Variants in RXRA observed in about 807,000 individuals in gnomAD.
RXRA encodes the protein retinoic acid receptor RXR-alpha.
RXRA carries 5 observed loss-of-function variants against 44.5 expected under a neutral mutation model. The ratio of observed to expected loss-of-function variants is 0.11; its 90% CI spans 0.06 to 0.24. RXRA has a LOEUF of 0.24. RXRA is among the 10% of genes least tolerant of loss of function. The probability of loss-of-function intolerance (pLI) is 1.00; values close to 1 mark genes in which losing one functional copy is unlikely to be tolerated. For missense variants in RXRA, 412 were observed against 646.5 expected (o/e 0.64, Z 3.93); for synonymous variants, 291 against 271.4 (o/e 1.07, Z -0.71).
Position 134,401,710 on chromosome 9 carries a change from C to G in RXRA, c.107C>G (p.Ser36Cys). 1 of 1,613,150 alleles carries G rather than the reference C, an allele frequency of 6.2e-7. No homozygotes were observed. Among genetic ancestry groups the G allele is most frequent in the Non-Finnish European group, 8.5e-7 (1 of 1,179,994 alleles). The change falls in exon 2 of 10, where the codon TCC becomes TGC. Residue 36 changes from serine to cysteine, a missense_variant. Coordinates refer to ENST00000481739, the MANE Select transcript of RXRA (RefSeq NM_002957.6). ...ATGGCTGCCCCCTCGCTGCACCCGTCCCTGGGGCCTGGCATCGGCTCCCCG... is the reference window on the plus strand; with the variant it reads ...ATGGCTGCCCCCTCGCTGCACCCGTGCCTGGGGCCTGGCATCGGCTCCCCG... ...GSMAAPSLHP[S>C]LGPGIGSPGQ... is the part of the protein sequence containing the mutation.
At position 134,326,553 on chromosome 9, in the gene RXRA, C is replaced by T. The variant is rs1410671284; in HGVS notation, c.-79C>T. 3.3e-6 allele frequency: 1 copy of T among 300,744 alleles called. No individual in the cohort carries two copies. Among genetic ancestry groups the T allele is most frequent in the Admixed American group, 6.8e-5 (1 of 14,736 alleles). 18.6% of individuals were successfully genotyped at this position (300,744 alleles called of 1,614,324 possible). Reference sequence around the variant, plus strand: ...GCCGCCGGCTCCCCGCCGCCCGGGCCCGGGCCGGCCGCGCCGGGGGCCGCC... The same window carrying T: ...GCCGCCGGCTCCCCGCCGCCCGGGCTCGGGCCGGCCGCGCCGGGGGCCGCC... On this transcript the variant is annotated 5_prime_UTR_variant, in exon 1 of 10. Coordinates refer to ENST00000481739, the MANE Select transcript of RXRA (RefSeq NM_002957.6).
intron 1 of RXRA, among the ~76,000 whole-genome samples, chr9:134,332,358 C>T (rs1040262200): frequency 6.6e-6 from 1 of 152,222 alleles, no homozygotes; most frequent in East Asian, 1.9e-4. Flanking sequence ...ACCCAGCACA[C>T]GCGGCCCACC....
intron 6 of RXRA, chr9:134,425,875 C>T (rs1382481005): frequency 2.1e-5 from 21 of 984,826 alleles, no homozygotes; most frequent in South Asian, 4.7e-5. Flanking sequence ...CACCAGGAGT[C>T]GGTGTTATTA....
intron 6 of RXRA, chr9:134,423,490 G>A: frequency 2.0e-6 from 2 of 985,482 alleles, no homozygotes; most frequent in Non-Finnish European, 2.4e-6. Flanking sequence ...GCTTGGGTCA[G>A]GGCTGTGACC....
intron 6 of RXRA, chr9:134,422,599 GCTCCCAGGACGCTCCCCA>G (rs1831365288): frequency 1.3e-6 from 1 of 798,462 alleles, no homozygotes; most frequent in Non-Finnish European, 1.4e-6. Context: ...GACACTCCCC[GCTCCCAGGACGCTCCCCA>G]CTCCCGGGAC....
rs1830101629 is a variant in RXRA at position 134,342,762 on chromosome 9, A to AC, written c.28+16104dup. Among the ~76,000 whole-genome samples the AC allele has an allele frequency of 6.6e-6, 1 of 152,028 alleles. No homozygotes were observed. Among genetic ancestry groups the AC allele is most frequent in the Admixed American group, 6.5e-5 (1 of 15,276 alleles). ...GGAACCTGGCCCCATAGGAGAGTGG[A>AC]CAGCGCCGCGGAGGAGGCTGCCTAC... is the stretch of plus-strand genomic sequence containing the variant. On this transcript the variant is annotated intron_variant, in intron 1 of 9. Transcript: ENST00000481739. This position sits in a 1 kb window ranked among gnomAD's most constrained non-coding sequence, Gnocchi z 4.4.
At position 134,381,920 on chromosome 9, in the gene RXRA, G is replaced by A. The variant is rs182543689; in HGVS notation, c.29-19712G>A. Among the ~76,000 whole-genome samples the A allele has an allele frequency of 2.0e-5, 3 of 152,264 alleles. No individual in the cohort carries two copies. The East Asian group carries it at 5.8e-4, about 29-fold the overall frequency. ...GCAGCCTCCCGGTGGGGGCTGCTCA[G>A]GTGGTGATGAAAACTGTACCTGTGG... On this transcript the variant is annotated intron_variant, in intron 1 of 9. Coordinates refer to ENST00000481739, the MANE Select transcript of RXRA (RefSeq NM_002957.6).
rs757115936 is a variant in RXRA at position 134,421,785 on chromosome 9, A to G, written c.890A>G (p.Gln297Arg). ...TTCTCAGAGCTGCCCCTGGACGACC[A>G]GGTCATCCTGCTGCGGGCAGGTGAG... The part of the protein sequence containing the change: ...PHFSELPLDD[Q>R]VILLRAGWNE... The change falls in exon 6 of 10, where the codon CAG (glutamine) becomes CGG (arginine). Residue 297 changes from glutamine (Q) to arginine (R), a missense_variant. This residue lies in a region of RXRA where 141 missense variants were observed against 270.8 expected (regional missense o/e 0.52). Transcript: ENST00000481739. 6.2e-7 allele frequency: 1 copy of G among 1,612,514 alleles called. No homozygotes were observed. The highest frequency in any genetic ancestry group is 1.7e-5 in the Admixed American group (1 of 59,940).
At chr9:134,391,584 G>A (rs1054246099) in intron 1 of RXRA, among the ~76,000 whole-genome samples, 5 of 152,168 alleles carry the variant, frequency 3.3e-5, no homozygotes, top group Non-Finnish European at 7.4e-5. Flanking sequence ...CCCTGTGGTG[G>A]TGCTAGACAC....
intron 1 of RXRA, among the ~76,000 whole-genome samples, chr9:134,368,619 T>C (rs1449201133): frequency 1.3e-5 from 2 of 151,712 alleles, no homozygotes; most frequent in South Asian, 2.1e-4. Context: ...TGCATGTGGA[T>C]GTATGTGTGT....
At chr9:134,333,844 T>G (rs1554746979) in intron 1 of RXRA, among the ~76,000 whole-genome samples, 1 of 152,174 alleles carries the variant, frequency 6.6e-6, no homozygotes, top group Admixed American at 6.5e-5. Flanking sequence ...AATCGGGCGC[T>G]CTCGGGCCTG....
chr9:134,402,471 G>A (rs530743589), intron 2 of RXRA: 17 of 152,984 alleles, frequency 1.1e-4, no homozygotes, highest in African/African-American at 4.1e-4. Flanking sequence ...CACAGTTGAG[G>A]TTTGCTCAGT....
rs2119069915 is a variant in RXRA, at chr9:134,365,330, G to A, written c.29-36302G>A. Among the ~76,000 whole-genome samples, 1 of 152,364 alleles carries A rather than the reference G, an allele frequency of 6.6e-6. No homozygotes were observed. The highest frequency in any genetic ancestry group is 6.5e-5 in the Admixed American group (1 of 15,308). On this transcript the variant is annotated intron_variant, in intron 1 of 9. Coordinates refer to ENST00000481739, the MANE Select transcript of RXRA (RefSeq NM_002957.6). This position sits in a 1 kb window ranked among gnomAD's most constrained non-coding sequence, Gnocchi z 4.0. ...TCGTGGTGGGGCAGCGCGTCCCTGG[G>A]TGAGTGACCAGGCGGCCTTGGGTCT...
chr9:134,422,022 C>T (rs1294920265), intron 6 of RXRA: 5 of 1,450,588 alleles, frequency 3.4e-6, no homozygotes, highest in South Asian at 1.3e-5. Context: ...ACACACTCCC[C>T]CCTCCCTGGA....
intron 1 of RXRA, among the ~76,000 whole-genome samples, chr9:134,382,956 T>C (rs1367396851): frequency 6.6e-6 from 1 of 152,190 alleles, no homozygotes; most frequent in Non-Finnish European, 1.5e-5. Context: ...CAGGACCTGG[T>C]TAGCGAGACC....
chr9:134,413,377 A>G (rs1831181439), intron 4 of RXRA, among the ~76,000 whole-genome samples: 1 of 149,662 alleles, frequency 6.7e-6, no homozygotes, highest in Admixed American at 6.6e-5. Flanking sequence ...GTATGTCTGC[A>G]TGGTTTGTGT....
intron 1 of RXRA, among the ~76,000 whole-genome samples, chr9:134,367,063 T>C (rs1336742652): frequency 1.3e-5 from 2 of 152,148 alleles, no homozygotes; most frequent in Non-Finnish European, 2.9e-5. Context: ...GTAACAGTCA[T>C]CTTTTTAAGG....
At chr9:134,430,647 C>T (rs955753044) in intron 7 of RXRA, among the ~76,000 whole-genome samples, 5 of 151,956 alleles carry the variant, frequency 3.3e-5, no homozygotes, top group East Asian at 1.9e-4. Flanking sequence ...AGGGTCCCCA[C>T]GGGGGCTGCA....
intron 1 of RXRA, among the ~76,000 whole-genome samples, chr9:134,369,325 TGG>T (rs149183008): frequency 6.5e-5 from 3 of 45,924 alleles, no homozygotes; most frequent in African/African-American, 2.1e-4. Flanking sequence ...GTTGTGTGTG[TGG>T]GGGGGGTTAT....
Sources: allele counts gnomAD v4.1 joint callset (sites outside exome capture counted in the v4.1 genomes callset), GRCh38; gene constraint gnomAD v4.1.1; regional missense constraint gnomAD v4.1.1; non-coding constraint Gnocchi (gnomAD v3.1); transcripts MANE v1.5; gene names NCBI Gene and HGNC (gene_info 2026-07-23, HGNC 2026-07-21).